RARB: variants seen among roughly 807,000 people sequenced by gnomAD.
RARB encodes HBV-activated protein.
RARB carries 17 observed loss-of-function variants against 51.9 expected under a neutral mutation model. The observed-to-expected ratio is 0.33, with a 90% CI of 0.22 to 0.49. The LOEUF (loss-of-function observed/expected upper bound fraction) is 0.49. Among genes scored for constraint, RARB ranks in the 20% least tolerant of loss-of-function variants. The pLI, the probability that RARB is intolerant of heterozygous loss-of-function variation, is 0.99. For synonymous variants in RARB, 215 were observed against 195.4 expected (o/e 1.10, Z -0.84); for missense variants, 369 against 550.8 (o/e 0.67, Z 3.30).
At chr3:25,569,993 C>T (rs866881934) in intron 4 of RARB, 75 bp downstream of exon 4, 1 of 1,134,110 alleles carries the variant, frequency 8.8e-7, no homozygotes, top group Non-Finnish European at 1.2e-6. Context: ...CACACACACA[C>T]ACACACACAC....
At chr3:24,882,161 T>C (rs1337720708) in intron 2 of RARB, among the ~76,000 whole-genome samples, 1 of 152,172 alleles carries the variant, frequency 6.6e-6, no homozygotes, top group Non-Finnish European at 1.5e-5. Flanking sequence ...CATTCTGCAT[T>C]AAAATCAATA....
At chr3:25,475,158 T>C (rs1301250475) in intron 2 of RARB, among the ~76,000 whole-genome samples, 1 of 152,230 alleles carries the variant, frequency 6.6e-6, no homozygotes, top group Non-Finnish European at 1.5e-5. Context: ...TTTGGTGGTT[T>C]AAGATACCTA....
chr3:25,535,583 C>T (rs1699107658), intron 3 of RARB, among the ~76,000 whole-genome samples: 1 of 152,072 alleles, frequency 6.6e-6, no homozygotes, highest in Non-Finnish European at 1.5e-5. Context: ...CCGACAGGCC[C>T]TGGTGTGTGA....
chr3:24,942,283 C>G (rs1161810187), intron 2 of RARB, among the ~76,000 whole-genome samples: 1 of 152,118 alleles, frequency 6.6e-6, no homozygotes, highest in Admixed American at 6.6e-5. Flanking sequence ...TAGCTGTGCT[C>G]ATAATTGTTA....
chr3:25,204,038 C>A (rs1232852023), intron 5 of RARB, among the ~76,000 whole-genome samples: 1 of 152,162 alleles, frequency 6.6e-6, no homozygotes, highest in Non-Finnish European at 1.5e-5. Flanking sequence ...CAACTTGGTT[C>A]CATTCTCCCC....
intron 5 of RARB, among the ~76,000 whole-genome samples, chr3:25,247,284 G>A (rs925753833): frequency 6.6e-6 from 1 of 152,212 alleles, no homozygotes; most frequent in African/African-American, 2.4e-5. Flanking sequence ...CACTGAGCAT[G>A]ACCACTAGTA....
intron 2 of RARB, among the ~76,000 whole-genome samples, chr3:25,496,140 A>G (rs566015251): frequency 3.1e-4 from 47 of 152,272 alleles, no homozygotes; most frequent in Non-Finnish European, 5.9e-4. Flanking sequence ...GGTTATAGCT[A>G]GGACTTCATC....
At chr3:25,044,280 C>T (rs1166829629) in intron 2 of RARB, among the ~76,000 whole-genome samples, 1 of 152,120 alleles carries the variant, frequency 6.6e-6, no homozygotes, top group Non-Finnish European at 1.5e-5. Context: ...ATCTTATTCC[C>T]TAGCTGGGCA....
intron 2 of RARB, among the ~76,000 whole-genome samples, chr3:24,860,021 C>T (rs942687242): frequency 6.6e-6 from 1 of 152,154 alleles, no homozygotes; most frequent in Admixed American, 6.5e-5. Flanking sequence ...AGTTTGCTGA[C>T]CTACCTTTAC....
chr3:25,243,281 C>T (rs574282108), intron 5 of RARB, among the ~76,000 whole-genome samples: 13 of 152,272 alleles, frequency 8.5e-5, no homozygotes, highest in African/African-American at 3.1e-4. Context: ...TCCTCTCTTC[C>T]TGTTTGAATA....
At chr3:25,262,957 G>T (rs73151291) in intron 5 of RARB, among the ~76,000 whole-genome samples, 2 of 152,024 alleles carry the variant, frequency 1.3e-5, no homozygotes, top group African/African-American at 2.4e-5. Flanking sequence ...CTGTCTTAAG[G>T]TCTTTCTCAT....
At chr3:25,064,482 T>A (rs2125305300) in intron 3 of RARB, among the ~76,000 whole-genome samples, 1 of 152,242 alleles carries the variant, frequency 6.6e-6, no homozygotes, top group East Asian at 1.9e-4. Context: ...AAAGAACTCC[T>A]GCTTAGTGCT....
At chr3:25,488,504 A>G (rs1159637868) in intron 2 of RARB, among the ~76,000 whole-genome samples, 1 of 150,676 alleles carries the variant, frequency 6.6e-6, no homozygotes, top group Non-Finnish European at 1.5e-5. Context: ...TCACCTGAGG[A>G]AAGCAAAATT....
At chr3:25,114,830 A>T (rs188281226) in intron 3 of RARB, among the ~76,000 whole-genome samples, 4 of 152,290 alleles carry the variant, frequency 2.6e-5, no homozygotes, top group Admixed American at 2.6e-4. Flanking sequence ...ACTCTTTAAA[A>T]ATTACTGCAC....
chr3:25,077,340 G>T (rs778463362), intron 3 of RARB, among the ~76,000 whole-genome samples: 2 of 152,086 alleles, frequency 1.3e-5, no homozygotes, highest in Admixed American at 6.5e-5. Context: ...TGGATGGAAG[G>T]TTCTCTCATG....
intron 2 of RARB, among the ~76,000 whole-genome samples, chr3:25,032,335 A>G (rs1041797172): frequency 6.6e-6 from 1 of 152,192 alleles, no homozygotes; most frequent in Non-Finnish European, 1.5e-5. Flanking sequence ...AGGCAGTAAA[A>G]GCTAATGGCC....
chr3:24,999,560 C>A (rs1340106875), intron 2 of RARB, among the ~76,000 whole-genome samples: 1 of 152,172 alleles, frequency 6.6e-6, no homozygotes, highest in Admixed American at 6.6e-5. Context: ...TAGTTGATGA[C>A]ATCATCGGCA....
At chr3:24,854,936 CTG>C (rs1214115944) in intron 1 of RARB, among the ~76,000 whole-genome samples, 1 of 152,190 alleles carries the variant, frequency 6.6e-6, no homozygotes, top group Admixed American at 6.5e-5. Context: ...AAGGAGGAAT[CTG>C]TGTTTTCAAA....
chr3:25,283,034 G>A (rs1000980477), intron 5 of RARB, among the ~76,000 whole-genome samples: 9 of 152,176 alleles, frequency 5.9e-5, no homozygotes, highest in African/African-American at 2.2e-4. Flanking sequence ...CTTTTCGGAT[G>A]AGCAACTGGC....
Sources: allele counts gnomAD v4.1 joint callset (sites outside exome capture counted in the v4.1 genomes callset), GRCh38; gene constraint gnomAD v4.1.1; transcripts MANE v1.5; gene names NCBI Gene and HGNC (gene_info 2026-07-23, HGNC 2026-07-21).